Variants in METTL15 observed in about 807,000 individuals in gnomAD.
METTL15 encodes the protein 12S rRNA N(4)-cytidine methyltransferase METTL15.
A neutral mutation model predicts 38.3 loss-of-function variants in METTL15; 34 were observed. The ratio of observed to expected loss-of-function variants is 0.89; its 90% CI spans 0.68 to 1.18. The LOEUF is 1.18. Among genes scored for constraint, METTL15 ranks in the 50% most tolerant of loss-of-function variants. The pLI, the probability that METTL15 is intolerant of heterozygous loss-of-function variation, is 0.00. For missense variants in METTL15, 438 were observed against 498.4 expected (o/e 0.88, Z 1.15); for synonymous variants, 162 against 170.9 (o/e 0.95, Z 0.41).
At chr11:28,271,504 G>A (rs1005198601) in intron 4 of METTL15, among the ~76,000 whole-genome samples, 3 of 151,688 alleles carry the variant, frequency 2.0e-5, no homozygotes, top group Admixed American at 2.0e-4. Flanking sequence ...TATAATACCT[G>A]CTAGTGGCCT....
At chr11:28,486,770 A>G (rs1851443019) in intron 6 of METTL15, among the ~76,000 whole-genome samples, 1 of 152,180 alleles carries the variant, frequency 6.6e-6, no homozygotes, top group Non-Finnish European at 1.5e-5. Flanking sequence ...AGGATATTGT[A>G]GCTGATAACT....
rs576916533 is a variant in METTL15 at position 28,377,993 on chromosome 11, TGAG to T, written c.*358+15960_*358+15962del. Among the ~76,000 whole-genome samples, 710 of 152,252 alleles carry T rather than the reference TGAG, an allele frequency of 4.7e-3. 3 individuals are homozygous for T. Among genetic ancestry groups the T allele is most frequent in the African/African-American group, 0.016 (666 of 41,564 alleles). On this transcript the variant is annotated intron_variant and NMD_transcript_variant, in intron 5 of 7. Transcript: ENST00000532947. ...GGGGGTCAGGGGTCAGGGACCCACT[TGAG>T]GAAGCAGTCTGCCCGTTCTCAGATC...
chr11:28,164,717 T>C (rs1356621714), intron 3 of METTL15, among the ~76,000 whole-genome samples: 1 of 152,064 alleles, frequency 6.6e-6, no homozygotes, highest in African/African-American at 2.4e-5. Context: ...TTATTATACT[T>C]TAAGTTCTAG....
intron 4 of METTL15, among the ~76,000 whole-genome samples, chr11:28,232,006 A>G (rs192644192): frequency 6.6e-6 from 1 of 152,014 alleles, no homozygotes; most frequent in East Asian, 1.9e-4. Context: ...TTCATTTTCT[A>G]TATCAAATGT....
intron 6 of METTL15, among the ~76,000 whole-genome samples, chr11:28,460,242 C>T (rs1351418969): frequency 3.3e-5 from 5 of 151,932 alleles, no homozygotes; most frequent in Non-Finnish European, 5.9e-5. Context: ...AAATTGGCAC[C>T]GTCTTACTTG....
chr11:28,287,508 C>T (rs1371322270), intron 4 of METTL15: 10 of 357,090 alleles, frequency 2.8e-5, no homozygotes, highest in Non-Finnish European at 3.7e-5. Context: ...GCTGCATCAT[C>T]ACATTGAGAA....
At chr11:28,400,790 C>G (rs1850623498) in intron 5 of METTL15, among the ~76,000 whole-genome samples, 1 of 151,898 alleles carries the variant, frequency 6.6e-6, no homozygotes, top group African/African-American at 2.4e-5. Flanking sequence ...CATAATGCTT[C>G]CTAACCACAA....
chr11:28,250,588 C>T (rs1854700749), intron 4 of METTL15, among the ~76,000 whole-genome samples: 1 of 151,456 alleles, frequency 6.6e-6, no homozygotes, highest in Non-Finnish European at 1.5e-5. Flanking sequence ...TGATGTTTTT[C>T]CTACATCATT....
chr11:28,279,117 G>C (rs1266831649), intron 4 of METTL15, among the ~76,000 whole-genome samples: 2 of 152,190 alleles, frequency 1.3e-5, no homozygotes, highest in Non-Finnish European at 2.9e-5. Flanking sequence ...ATGAGCCGCT[G>C]TGCCCAGCTG....
At chr11:28,377,698 G>C (rs1850333161) in intron 5 of METTL15, among the ~76,000 whole-genome samples, 1 of 152,202 alleles carries the variant, frequency 6.6e-6, no homozygotes, top group African/African-American at 2.4e-5. Context: ...TCCTTTGCTG[G>C]TGAGGAGCTG....
At chr11:28,261,996 A>G (rs1855223773) in intron 4 of METTL15, among the ~76,000 whole-genome samples, 1 of 152,202 alleles carries the variant, frequency 6.6e-6, no homozygotes, top group East Asian at 1.9e-4. Flanking sequence ...AATCATTGGC[A>G]GAGCCAGAAT....
intron 4 of METTL15, among the ~76,000 whole-genome samples, chr11:28,241,414 G>T (rs1854288472): frequency 6.6e-6 from 1 of 151,834 alleles, no homozygotes; most frequent in Non-Finnish European, 1.5e-5. Flanking sequence ...GGCGCCTGTA[G>T]CCCCAGCTAC....
In METTL15 at chr11:28,471,264, G is replaced by A. The variant is rs572416063; in HGVS notation, c.*424+46900G>A. Among the ~76,000 whole-genome samples, 6 of 152,222 alleles carry A rather than the reference G, an allele frequency of 3.9e-5. No homozygotes were observed. In the East Asian group the frequency reaches 1.2e-3, roughly 29 times the overall value. Reference sequence around the variant, plus strand: ...CTGACCCAGCCTCCTAAGACATACAGCATTCCTTGCACTGTGTTTTACTGG... The same window carrying A: ...CTGACCCAGCCTCCTAAGACATACAACATTCCTTGCACTGTGTTTTACTGG... On this transcript the variant is annotated intron_variant and NMD_transcript_variant, in intron 6 of 7. Coordinates refer to the METTL15 transcript ENST00000532947.
intron 5 of METTL15, among the ~76,000 whole-genome samples, chr11:28,383,725 AT>A (rs202152670): frequency 1.1e-4 from 16 of 151,680 alleles, no homozygotes; most frequent in African/African-American, 3.6e-4. Context: ...GATGTTGAGC[AT>A]TTTTTTCTTA....
chr11:28,405,877 T>C (rs925603258), intron 5 of METTL15, among the ~76,000 whole-genome samples: 2 of 152,200 alleles, frequency 1.3e-5, no homozygotes, highest in African/African-American at 4.8e-5. Flanking sequence ...AAAACCATGC[T>C]AGCTTTTGTC....
At position 28,236,598 on chromosome 11, in the gene METTL15, T is replaced by TACA. The variant is rs1853990028; in HGVS notation, c.407+25401_407+25403dup. ...TCATAATTGGAGCATTTAGTCCATT[T>TACA]ACATTTAAAGTTAATATTGTTATGT... On this transcript the variant is annotated intron_variant, in intron 4 of 6. Coordinates refer to ENST00000407364, the MANE Select transcript of METTL15 (RefSeq NM_001113528.2). Among the ~76,000 whole-genome samples, 4 of 152,348 alleles carry TACA rather than the reference T, an allele frequency of 2.6e-5. 1 individual carries two copies. In the South Asian group the frequency reaches 8.3e-4, roughly 32 times the overall value.
intron 3 of METTL15, among the ~76,000 whole-genome samples, chr11:28,148,251 A>C (rs892772255): frequency 2.0e-5 from 3 of 151,948 alleles, no homozygotes; most frequent in African/African-American, 7.2e-5. Context: ...TAAATTGGAA[A>C]GGAAAGAAAT....
chr11:28,305,708 A>C (rs1278144785), intron 6 of METTL15, among the ~76,000 whole-genome samples: 1 of 152,122 alleles, frequency 6.6e-6, no homozygotes, highest in African/African-American at 2.4e-5. Flanking sequence ...TAAATGCTAT[A>C]AATAATGGAG....
At chr11:28,460,512 A>G (rs1345380837) in intron 6 of METTL15, among the ~76,000 whole-genome samples, 2 of 152,130 alleles carry the variant, frequency 1.3e-5, no homozygotes, top group Non-Finnish European at 2.9e-5. Context: ...ATAATTAACC[A>G]GATATTTACC....
Sources: allele counts gnomAD v4.1 joint callset (sites outside exome capture counted in the v4.1 genomes callset), GRCh38; gene constraint gnomAD v4.1.1; transcripts MANE v1.5; gene names NCBI Gene and HGNC (gene_info 2026-07-23, HGNC 2026-07-21).